SLC14A2: variants seen among roughly 807,000 people sequenced by gnomAD.
SLC14A2 encodes the protein urea transporter 2.
In SLC14A2, 91 loss-of-function variants were observed where a neutral mutation model predicts 104.6. The observed-to-expected ratio is 0.87, with a 90% CI of 0.73 to 1.04. The LOEUF is 1.04. Among genes scored for constraint, SLC14A2 ranks in the 50% least tolerant of loss-of-function variants. SLC14A2 has a pLI of 0.00. For synonymous variants in SLC14A2, 476 were observed against 466.4 expected (o/e 1.02, Z -0.27); for missense variants, 1,189 against 1,156.0 (o/e 1.03, Z -0.41).
At chr18:45,479,903 C>T (rs1364071653) in intron 1 of SLC14A2, among the ~76,000 whole-genome samples, 1 of 152,146 alleles carries the variant, frequency 6.6e-6, no homozygotes, top group Non-Finnish European at 1.5e-5. Context: ...GGAAATGGAA[C>T]ATTGCAAGAC....
At chr18:45,545,487 A>G (rs1380698919) in intron 2 of SLC14A2, among the ~76,000 whole-genome samples, 5 of 152,210 alleles carry the variant, frequency 3.3e-5, no homozygotes, top group African/African-American at 1.2e-4. Context: ...AATAGAAGAG[A>G]ACATATGTCT....
At chr18:45,240,570 T>C (rs895876109) in intron 1 of SLC14A2, among the ~76,000 whole-genome samples, 1 of 152,042 alleles carries the variant, frequency 6.6e-6, no homozygotes, top group African/African-American at 2.4e-5. Context: ...ATTTTACAGA[T>C]GAGGAAACTG....
intron 10 of SLC14A2, among the ~76,000 whole-genome samples, chr18:45,654,144 G>GT (rs150572810): frequency 6.6e-6 from 1 of 151,308 alleles, no homozygotes. Context: ...TGCTGGGGGG[G>GT]ACGTGGGTGA....
intron 1 of SLC14A2, among the ~76,000 whole-genome samples, chr18:45,358,664 A>G (rs1305016533): frequency 6.6e-6 from 1 of 152,116 alleles, no homozygotes; most frequent in Non-Finnish European, 1.5e-5. Context: ...TGCAGCCTCT[A>G]CCTCTTAGGC....
At chr18:45,525,476 C>A (rs1383857793) in intron 2 of SLC14A2, among the ~76,000 whole-genome samples, 3 of 152,184 alleles carry the variant, frequency 2.0e-5, no homozygotes, top group African/African-American at 4.8e-5. Flanking sequence ...CTTAGATATG[C>A]CTTGGCTCCA....
At chr18:45,624,345 GA>G (rs1250110116) in intron 1 of SLC14A2, among the ~76,000 whole-genome samples, 2 of 152,174 alleles carry the variant, frequency 1.3e-5, no homozygotes, top group African/African-American at 4.8e-5. Context: ...GAAAGGCAGA[GA>G]AAAAACACTC....
intron 2 of SLC14A2, among the ~76,000 whole-genome samples, chr18:45,567,543 A>G (rs2044284182): frequency 6.6e-6 from 1 of 152,188 alleles, no homozygotes; most frequent in Non-Finnish European, 1.5e-5. Context: ...GTGTCCTTTA[A>G]ATTCAGAAGA....
intron 1 of SLC14A2, among the ~76,000 whole-genome samples, chr18:45,409,886 T>G (rs2086196221): frequency 6.6e-6 from 1 of 152,200 alleles, no homozygotes; most frequent in East Asian, 1.9e-4. Flanking sequence ...TATTGTGTAC[T>G]TTATTTCTAT....
chr18:45,561,901 G>C (rs935368513), intron 2 of SLC14A2, among the ~76,000 whole-genome samples: 2 of 142,380 alleles, frequency 1.4e-5, no homozygotes, highest in Admixed American at 1.5e-4. Context: ...TTGATGATTT[G>C]ACTCCATTTT....
intron 2 of SLC14A2, among the ~76,000 whole-genome samples, chr18:45,589,970 G>T (rs2044624103): frequency 1.3e-5 from 2 of 152,148 alleles, no homozygotes; most frequent in South Asian, 2.1e-4. Context: ...CTTGAGGTTT[G>T]GCTCTTCTCA....
At chr18:45,431,882 A>G (rs958324475) in intron 1 of SLC14A2, among the ~76,000 whole-genome samples, 4 of 152,214 alleles carry the variant, frequency 2.6e-5, no homozygotes, top group African/African-American at 9.6e-5. Flanking sequence ...AGAGGAAGAA[A>G]CAAACTTCCC....
At chr18:45,645,236 G>A (rs919654915) in intron 10 of SLC14A2, among the ~76,000 whole-genome samples, 7 of 152,144 alleles carry the variant, frequency 4.6e-5, no homozygotes, top group Admixed American at 1.3e-4. Flanking sequence ...TGGTGTATAT[G>A]TGCCACATTT....
At chr18:45,501,809 G>A (rs2043203517) in intron 2 of SLC14A2, among the ~76,000 whole-genome samples, 2 of 152,220 alleles carry the variant, frequency 1.3e-5, no homozygotes, top group Non-Finnish European at 2.9e-5. Context: ...GGTGGGGCAA[G>A]TGACTTCCGC....
intron 1 of SLC14A2, among the ~76,000 whole-genome samples, chr18:45,456,097 T>C (rs905671373): frequency 6.6e-6 from 1 of 152,138 alleles, no homozygotes; most frequent in Non-Finnish European, 1.5e-5. Flanking sequence ...GTAGAATGTT[T>C]AGAAGCTCCC....
intron 1 of SLC14A2, among the ~76,000 whole-genome samples, chr18:45,414,609 A>G (rs953333729): frequency 3.3e-5 from 5 of 151,146 alleles, no homozygotes; most frequent in African/African-American, 9.7e-5. Context: ...AAAAAAAAAG[A>G]ATATTTGGGC....
chr18:45,619,428 G>A (rs999685695), intron 1 of SLC14A2, among the ~76,000 whole-genome samples: 2 of 152,234 alleles, frequency 1.3e-5, no homozygotes, highest in Admixed American at 1.3e-4. Flanking sequence ...GCCCACAGGC[G>A]AACGGTAGAT....
chr18:45,458,043 T>C (rs1030389002), intron 1 of SLC14A2, among the ~76,000 whole-genome samples: 3 of 152,080 alleles, frequency 2.0e-5, no homozygotes, highest in South Asian at 2.1e-4. Flanking sequence ...TGATGTGACA[T>C]TGGGATTTTG....
the SLC14A2 span, among the ~76,000 whole-genome samples, chr18:45,202,763 G>A: frequency 6.6e-6 from 1 of 151,920 alleles, no homozygotes; most frequent in Non-Finnish European, 1.5e-5. Context: ...TCATCATAAA[G>A]TATGCTCATG....
At chr18:45,487,559 A>T (rs2087631679) in intron 2 of SLC14A2, among the ~76,000 whole-genome samples, 1 of 152,198 alleles carries the variant, frequency 6.6e-6, no homozygotes, top group African/African-American at 2.4e-5. Flanking sequence ...GCAAGGAAAT[A>T]GTTGTGGATA....
Sources: gnomAD v4.1 joint callset for allele counts (sites outside exome capture counted in the v4.1 genomes callset) on GRCh38, gnomAD v4.1.1 for gene constraint, MANE v1.5 for transcripts, NCBI Gene and HGNC (gene_info 2026-07-23, HGNC 2026-07-21) for gene names.